Variants in EGLN1 observed in about 807,000 individuals in gnomAD.
EGLN1 encodes the protein egl-9 family hypoxia inducible factor 1, also known as egl nine homolog 1.
Under a neutral mutation model 38.3 loss-of-function variants are expected in EGLN1, and 17 were observed. That is an observed-to-expected ratio of 0.44 (90% CI 0.30 to 0.67). The LOEUF (loss-of-function observed/expected upper bound fraction) is 0.67. Ranked by LOEUF, EGLN1 falls within the 30% of genes least tolerant of loss-of-function variation. The pLI, the probability that EGLN1 is intolerant of heterozygous loss-of-function variation, is 0.08. For missense variants in EGLN1, 477 were observed against 603.3 expected (o/e 0.79, Z 2.19); for synonymous variants, 283 against 257.5 (o/e 1.10, Z -0.95).
intron 1 of EGLN1, among the ~76,000 whole-genome samples, chr1:231,386,703 A>T (rs908936593): frequency 6.6e-6 from 1 of 152,226 alleles, no homozygotes; most frequent in African/African-American, 2.4e-5. Context: ...TATCTACTGA[A>T]TAAATCAATT....
At chr1:231,383,802 T>C (rs1558383756) in intron 1 of EGLN1, among the ~76,000 whole-genome samples, 1 of 151,964 alleles carries the variant, frequency 6.6e-6, no homozygotes, top group Non-Finnish European at 1.5e-5. Flanking sequence ...ATTATGATGA[T>C]TCTTATGCCC....
At chr1:231,387,086 T>G (rs1472697049) in intron 1 of EGLN1, among the ~76,000 whole-genome samples, 1 of 151,754 alleles carries the variant, frequency 6.6e-6, no homozygotes, top group African/African-American at 2.4e-5. Context: ...CTCAAACTCC[T>G]GGCCTCACGC....
chr1:231,410,187 G>A (rs1483593109), intron 1 of EGLN1, among the ~76,000 whole-genome samples: 1 of 152,082 alleles, frequency 6.6e-6, no homozygotes, highest in Non-Finnish European at 1.5e-5. Flanking sequence ...TACAGCACAA[G>A]TGATGGGATG....
Position 231,409,248 on chromosome 1 carries a change from A to C in EGLN1, c.891+11750T>G, listed in dbSNP as rs537800689. Among the ~76,000 whole-genome samples, 107 of 143,182 alleles carry C rather than the reference A, an allele frequency of 7.5e-4. 1 individual carries two copies. The highest frequency in any genetic ancestry group is 2.6e-3 in the African/African-American group (102 of 38,512). 93.9% of individuals were successfully genotyped at this position (143,182 alleles called of 152,430 possible). A position where few individuals can be genotyped will look rare whatever the true frequency, so the allele number is the denominator to read the frequency against. On this transcript the variant is annotated intron_variant, in intron 1 of 4. Transcript: ENST00000366641. ...AGTCTTAGCCTAATTTCTTAAAAAA[A>C]AAAAAAAACAAAAAAAAACCTCTCC...
intron 1 of EGLN1, among the ~76,000 whole-genome samples, chr1:231,395,439 A>T (rs1688498532): frequency 6.6e-6 from 1 of 152,194 alleles, no homozygotes; most frequent in Non-Finnish European, 1.5e-5. Flanking sequence ...AAGTATTTTA[A>T]GTTCTAAAAA....
chr1:231,366,205 C>G lies in EGLN1; in HGVS notation c.*206G>C. Reference sequence around the variant, plus strand: ...TAGTAGCTTATCTTCCTCCTGTAAGCAATCACAGATTTGAAGTTGATCATG... The same window carrying G: ...TAGTAGCTTATCTTCCTCCTGTAAGGAATCACAGATTTGAAGTTGATCATG... On this transcript the variant is annotated 3_prime_UTR_variant, in exon 5 of 5. Transcript: ENST00000366641. The G allele has an allele frequency of 1.6e-6, 1 of 607,706 alleles. No homozygotes were observed. The highest frequency in any genetic ancestry group is 2.8e-5 in the East Asian group (1 of 36,256). 37.6% of individuals were successfully genotyped at this position (607,706 alleles called of 1,614,324 possible). A position where few individuals can be genotyped will look rare whatever the true frequency, so the allele number is the denominator to read the frequency against.
intron 1 of EGLN1, among the ~76,000 whole-genome samples, chr1:231,382,596 A>T (rs1056046970): frequency 6.6e-6 from 1 of 152,202 alleles, no homozygotes; most frequent in East Asian, 1.9e-4. Context: ...CATATACATG[A>T]ATCTAGTTAA....
chr1:231,385,575 A>T (rs1416910704), intron 1 of EGLN1, among the ~76,000 whole-genome samples: 2 of 152,224 alleles, frequency 1.3e-5, no homozygotes, highest in Admixed American at 1.3e-4. Context: ...AAGGAATGTG[A>T]CAGGTAAGGC....
intron 2 of EGLN1, among the ~76,000 whole-genome samples, chr1:231,372,182 T>C (rs1182806932): frequency 2.0e-5 from 3 of 152,218 alleles, no homozygotes; most frequent in East Asian, 1.9e-4. Context: ...GTGTGCTCCA[T>C]AGCAATCTGT....
chr1:231,376,236 A>G (rs1310032933), intron 1 of EGLN1, among the ~76,000 whole-genome samples: 1 of 152,188 alleles, frequency 6.6e-6, no homozygotes, highest in Non-Finnish European at 1.5e-5. Context: ...TATAAATTGC[A>G]CACCATTCTG....
intron 1 of EGLN1, among the ~76,000 whole-genome samples, chr1:231,409,904 G>A (rs1274772330): frequency 6.6e-6 from 1 of 150,408 alleles, no homozygotes; most frequent in East Asian, 1.9e-4. Context: ...TCTAAAATCA[G>A]AGAGCAATTA....
chr1:231,421,457 G>C lies in EGLN1; in HGVS notation c.432C>G (p.Pro144=). The C allele has an allele frequency of 1.4e-6, 2 of 1,479,986 alleles. No homozygotes were observed. Among genetic ancestry groups the C allele is most frequent in the Non-Finnish European group, 1.8e-6 (2 of 1,115,510 alleles). The allele number at this position is 1,479,986 out of a possible 1,614,324, so 91.7% of individuals were successfully genotyped here. ...AGCGGGCCGGCGGCTCCTCCTTGCCGGGCTCGGCTTCGGCAGCCACCGCCG... is the reference window on the plus strand; with the variant it reads ...AGCGGGCCGGCGGCTCCTCCTTGCCCGGCTCGGCTTCGGCAGCCACCGCCG... ...QGSAVAAEAE[P]GKEEPPARSS... The change falls in exon 1 of 5, where the codon CCC becomes CCG. Residue 144 remains proline, a synonymous_variant. Transcript: ENST00000366641. This position sits in a 1 kb window ranked among gnomAD's most constrained non-coding sequence, Gnocchi z 5.5.
intron 1 of EGLN1, among the ~76,000 whole-genome samples, chr1:231,387,023 A>T (rs1383347518): frequency 6.6e-6 from 1 of 151,376 alleles, no homozygotes; most frequent in Non-Finnish European, 1.5e-5. Flanking sequence ...CACCCAGCTA[A>T]TTTTTTAAAA....
intron 1 of EGLN1, among the ~76,000 whole-genome samples, chr1:231,391,088 T>TGTGTGTGTGTGTGTGTG (rs1558387104): frequency 8.6e-5 from 3 of 34,688 alleles, no homozygotes; most frequent in African/African-American, 1.4e-4. Context: ...ATTCTGTTTT[T>TGTGTGTGTGTGTGTGTG]TTTTTGTGTG....
At position 231,374,016 on chromosome 1, in the gene EGLN1, T is replaced by C. The variant is rs374733352; in HGVS notation, c.975A>G (p.Thr325=). The part of the protein sequence containing the change: ...DNPNGDGRCV[T]CIYYLNKDWD... ...AGTCTTTATTAAGATAATATATACA[T>C]GTCACACATCTTCCATCTCCATTTG... is the stretch of plus-strand genomic sequence containing the variant. The change falls in exon 2 of 5, where the codon ACA becomes ACG. Residue 325 remains threonine, a synonymous_variant. Transcript: ENST00000366641. The C allele has an allele frequency of 7.6e-5, 122 of 1,613,664 alleles. No individual in the cohort carries two copies. The highest frequency in any genetic ancestry group is 1.0e-4 in the Non-Finnish European group (118 of 1,179,764).
chr1:231,393,695 C>T (rs577109549), intron 1 of EGLN1, among the ~76,000 whole-genome samples: 1 of 152,222 alleles, frequency 6.6e-6, no homozygotes, highest in East Asian at 1.9e-4. Context: ...TACCTACATA[C>T]TCTCCTATCC....
chr1:231,412,616 T>C (rs1443829450), intron 1 of EGLN1, among the ~76,000 whole-genome samples: 1 of 152,208 alleles, frequency 6.6e-6, no homozygotes, highest in Non-Finnish European at 1.5e-5. Context: ...CTGGTAGAGC[T>C]GATACAAGCA....
chr1:231,370,736 A>C, intron 2 of EGLN1, 38 bp from the exon 3 acceptor site: 1 of 1,611,420 alleles, frequency 6.2e-7, no homozygotes, highest in Non-Finnish European at 8.5e-7. Context: ...GGAGTAACCA[A>C]AAATGCTACA....
chr1:231,385,070 A>G (rs1351957271), intron 1 of EGLN1, among the ~76,000 whole-genome samples: 1 of 152,200 alleles, frequency 6.6e-6, no homozygotes, highest in African/African-American at 2.4e-5. Context: ...AGGTGGTAAG[A>G]AGTGCTGGGA....
Sources: allele counts gnomAD v4.1 joint callset (sites outside exome capture counted in the v4.1 genomes callset), GRCh38; gene constraint gnomAD v4.1.1; non-coding constraint Gnocchi (gnomAD v3.1); transcripts MANE v1.5; gene names NCBI Gene and HGNC (gene_info 2026-07-23, HGNC 2026-07-21).